PYROXD2: variants seen among roughly 807,000 people sequenced by gnomAD.
PYROXD2 encodes pyridine nucleotide-disulfide oxidoreductase domain-containing protein 2.
A neutral mutation model predicts 71.1 loss-of-function variants in PYROXD2; 69 were observed. That is an observed-to-expected ratio of 0.97 (90% confidence interval 0.80 to 1.19). The LOEUF (loss-of-function observed/expected upper bound fraction) is 1.19, where lower values mean the gene tolerates loss of function less well. Among genes scored for constraint, PYROXD2 ranks in the 50% most tolerant of loss-of-function variants. PYROXD2 has a pLI of 0.00. For missense variants in PYROXD2, 745 were observed against 748.9 expected (o/e 0.99, Z 0.06); for synonymous variants, 287 against 302.7 (o/e 0.95, Z 0.54).
Position 98,395,826 on chromosome 10 carries a change from C to T in PYROXD2, c.626-374G>A, listed in dbSNP as rs75920951. Among the ~76,000 whole-genome samples the T allele has an allele frequency of 1.4e-4, 22 of 152,280 alleles. No homozygotes were observed. In the East Asian group the frequency reaches 3.9e-3, roughly 27 times the overall value. On this transcript the variant is annotated intron_variant, in intron 6 of 15. Coordinates refer to ENST00000370575, the MANE Select transcript of PYROXD2 (RefSeq NM_032709.3). ...AAACTTGTACCTTATTCCCTTATTT[C>T]GAACTCTGGAAGGCCCATATCCTGG...
At chr10:98,414,551 C>G (rs1023304457) in intron 1 of PYROXD2, among the ~76,000 whole-genome samples, 1 of 152,104 alleles carries the variant, frequency 6.6e-6, no homozygotes, top group Non-Finnish European at 1.5e-5. Context: ...TTTCTTGTGA[C>G]GAGGGGTGGC....
Position 98,393,049 on chromosome 10 carries a change from C to A in PYROXD2, c.820G>T (p.Glu274Ter). Residue 274 changes from glutamate (E) to a stop codon, truncating the protein, a stop_gained, in exon 9 of 16, where the codon GAG becomes TAG. Transcript: ENST00000370575. LOFTEE classifies it high-confidence loss of function. Reference sequence around the variant, plus strand: ...TAGCCCCAGGCCCCCTGCATTCCCTCCAGGCCCCCCATCACATGGTGCAGC... The same window carrying A: ...TAGCCCCAGGCCCCCTGCATTCCCTACAGGCCCCCCATCACATGGTGCAGC... The part of the protein sequence containing the change: ...VLLHHVMGGL[E>*]GMQGAWGYVQ... 6.3e-7 allele frequency: 1 copy of A among 1,594,166 alleles called. No homozygotes were observed. The highest frequency in any genetic ancestry group is 8.5e-7 in the Non-Finnish European group (1 of 1,173,216).
At chr10:98,414,050 G>A (rs188509734) in intron 1 of PYROXD2, 9 of 151,640 alleles carry the variant, frequency 5.9e-5, no homozygotes, top group East Asian at 3.9e-4. Flanking sequence ...ATATATGTAC[G>A]TAACACATAT....
intron 2 of PYROXD2, 152 bp from the exon 3 acceptor site, chr10:98,408,149 TG>T (rs11289323): frequency 0.016 from 10,531 of 661,400 alleles, 729 homozygotes; most frequent in African/African-American, 0.16. Flanking sequence ...TTCCTGCCTC[TG>T]GGAATGCCCT....
At chr10:98,401,384 G>A (rs1843404249) in intron 4 of PYROXD2, among the ~76,000 whole-genome samples, 1 of 152,110 alleles carries the variant, frequency 6.6e-6, no homozygotes, top group African/African-American at 2.4e-5. Flanking sequence ...GTTGCTCTGG[G>A]CGAGTGAGTG....
At chr10:98,409,534 T>A (rs1306325782) in intron 2 of PYROXD2, among the ~76,000 whole-genome samples, 1 of 152,208 alleles carries the variant, frequency 6.6e-6, no homozygotes, top group African/African-American at 2.4e-5. Context: ...ACTACAAGTG[T>A]GTTCCTGGTG....
chr10:98,396,670 T>C (rs58671897), intron 6 of PYROXD2, among the ~76,000 whole-genome samples: 2,084 of 152,290 alleles, frequency 0.014, 45 homozygotes, highest in African/African-American at 0.046. Context: ...GGCCCCTATA[T>C]CTTATTCTAG....
Position 98,392,989 on chromosome 10 carries a change from T to A in PYROXD2, c.880A>T (p.Ile294Phe). The change falls in exon 9 of 16, where the codon ATC (isoleucine) becomes TTC (phenylalanine). Residue 294 changes from isoleucine to phenylalanine, a missense_variant. Physicochemically the swap from Ile to Phe is conservative, Grantham distance 21. Transcript: ENST00000370575. ...QGGMGALSDA[I>F]ASSATTHGAS... Reference sequence around the variant, plus strand: ...CCATGTGTGGTGGCTGAGCTTGCGATCGCATCAGAGAGGGCACCCATGCCC... The same window carrying A: ...CCATGTGTGGTGGCTGAGCTTGCGAACGCATCAGAGAGGGCACCCATGCCC... 2 of 1,613,884 alleles carry A rather than the reference T, an allele frequency of 1.2e-6. No homozygotes were observed. The highest frequency in any genetic ancestry group is 1.7e-6 in the Non-Finnish European group (2 of 1,179,852).
chr10:98,408,165 T>C (rs531228428), intron 2 of PYROXD2, among the ~76,000 whole-genome samples, 168 bp from the exon 3 acceptor site: 5 of 152,196 alleles, frequency 3.3e-5, no homozygotes, highest in Non-Finnish European at 5.9e-5. Context: ...TGCCCTTCCC[T>C]GTGCTTCCCT....
At position 98,388,176 on chromosome 10, in the gene PYROXD2, A is replaced by G. The variant is rs931725529; in HGVS notation, c.1447+178T>C. 57 of 624,154 alleles carry G rather than the reference A, an allele frequency of 9.1e-5. No individual in the cohort carries two copies. The African/African-American group carries it at 9.2e-4, about 10-fold the overall frequency. 38.7% of individuals were successfully genotyped at this position (624,154 alleles called of 1,614,324 possible). A position where few individuals can be genotyped will look rare whatever the true frequency, so the allele number is the denominator to read the frequency against. Reference sequence around the variant, plus strand: ...GGAACTGTGTCTTCTTGACTTTCTTAGCCCAGTTCCTGACCCCTGCAGTCA... The same window carrying G: ...GGAACTGTGTCTTCTTGACTTTCTTGGCCCAGTTCCTGACCCCTGCAGTCA... On this transcript the variant is annotated intron_variant, in intron 13 of 15. Transcript: ENST00000370575.
intron 4 of PYROXD2, among the ~76,000 whole-genome samples, chr10:98,402,447 A>AT (rs1296669949): frequency 2.0e-5 from 3 of 152,272 alleles, no homozygotes; most frequent in Non-Finnish European, 4.4e-5. Context: ...ACATCAGAAC[A>AT]TTTTATTTAC....
At chr10:98,394,647 A>C (rs1843090773) in intron 8 of PYROXD2, among the ~76,000 whole-genome samples, 1 of 151,230 alleles carries the variant, frequency 6.6e-6, no homozygotes, top group East Asian at 1.9e-4. Flanking sequence ...GCTGTGTCTG[A>C]CTGCCACCTC....
At chr10:98,388,026 G>T in intron 13 of PYROXD2, 1 of 284,558 alleles carries the variant, frequency 3.5e-6, no homozygotes, top group Non-Finnish European at 6.7e-6. Context: ...CCCTTCCTTT[G>T]AAAGCCTTCC....
intron 9 of PYROXD2, 69 bp downstream of exon 9, chr10:98,392,873 C>T: frequency 4.5e-6 from 7 of 1,547,224 alleles, no homozygotes; most frequent in Non-Finnish European, 6.2e-6. Context: ...AGGGACCTTC[C>T]AAATCTGAGA....
chr10:98,390,858 G>T, intron 11 of PYROXD2, 104 bp from the exon 12 acceptor site: 1 of 1,455,350 alleles, frequency 6.9e-7, no homozygotes, highest in Non-Finnish European at 9.5e-7. Context: ...GAAAGTATGA[G>T]CAAGTGTTTC....
In PYROXD2 at chr10:98,388,419, A is replaced by G. The variant is rs2147896; in HGVS notation, c.1382T>C (p.Met461Thr). Reference protein sequence around the residue: ...CHVVSLFTQYMPYTLAGGKAW... With the variant: ...CHVVSLFTQYTPYTLAGGKAW... Reference sequence around the variant, plus strand: ...CTTGCCTCCAGCCAGCGTATAGGGCATGTACTGAGTGAAGAGGGAGACTAC... The same window carrying G: ...CTTGCCTCCAGCCAGCGTATAGGGCGTGTACTGAGTGAAGAGGGAGACTAC... The change falls in exon 13 of 16, where the codon ATG becomes ACG. Residue 461 changes from methionine to threonine, a missense_variant. Transcript: ENST00000370575. 646,094 of 1,612,284 alleles carry G rather than the reference A, an allele frequency of 0.4. 140,579 individuals are homozygous for G. The highest frequency in any genetic ancestry group is 0.79 in the African/African-American group (58,747 of 74,574).
chr10:98,388,363 C>A lies in PYROXD2; in HGVS notation c.1438G>T (p.Ala480Ser). 6.2e-7 allele frequency: 1 copy of A among 1,613,854 alleles called. No homozygotes were observed. The highest frequency in any genetic ancestry group is 1.1e-5 in the South Asian group (1 of 91,042). ...GTGCAGCTGTCTTTACCTCTGTCTG[C>A]ATAAGCGTCTCTCTCCTGCTCGTCC... ...AWDEQERDAY[A>S]DRVFDCIEVY... The change falls in exon 13 of 16, where the codon GCA (alanine) becomes TCA (serine). Residue 480 changes from alanine (A) to serine (S), a missense_variant. By Grantham distance (99) the Ala-to-Ser change is moderately conservative (BLOSUM62 1). Transcript: ENST00000370575.
intron 12 of PYROXD2, 146 bp downstream of exon 12, chr10:98,390,452 T>C (rs1842908110): frequency 2.2e-6 from 2 of 928,422 alleles, no homozygotes; most frequent in South Asian, 3.0e-5. Context: ...GCACTTCCTG[T>C]CCTTAGGAGT....
chr10:98,392,588 C>T, intron 9 of PYROXD2, 22 bp from the exon 10 acceptor site: 1 of 1,607,226 alleles, frequency 6.2e-7, no homozygotes, highest in Non-Finnish European at 8.5e-7. Context: ...CAGAACAAGG[C>T]CCCAGAAACC....
Sources: gnomAD v4.1 joint callset for allele counts (sites outside exome capture counted in the v4.1 genomes callset) on GRCh38, gnomAD v4.1.1 for gene constraint, MANE v1.5 for transcripts, NCBI Gene and HGNC (gene_info 2026-07-23, HGNC 2026-07-21) for gene names.